TBCD: variants seen among roughly 807,000 people sequenced by gnomAD.
TBCD encodes the protein tubulin folding cofactor D.
TBCD carries 105 observed loss-of-function variants against 169.3 expected under a neutral mutation model. The observed-to-expected ratio is 0.62, with a 90% CI of 0.53 to 0.73. TBCD has a LOEUF of 0.73. TBCD is among the 30% of genes least tolerant of loss of function. The pLI is 0.00. For synonymous variants in TBCD, 700 were observed against 643.9 expected, an observed-to-expected ratio of 1.09 and a Z score of -1.32; for missense variants, 1,444 against 1,600.1, an observed-to-expected ratio of 0.90 and a Z score of 1.66.
chr17:82,775,838 G>A (rs1022739972), intron 6 of TBCD, among the ~76,000 whole-genome samples: 16 of 151,862 alleles, frequency 1.1e-4, no homozygotes, highest in African/African-American at 3.9e-4. Context: ...ACATGTATAC[G>A]TATGTAACTA....
chr17:82,826,938 GCTGA>G (rs891637880), intron 13 of TBCD, among the ~76,000 whole-genome samples: 12 of 152,062 alleles, frequency 7.9e-5, no homozygotes, highest in African/African-American at 2.4e-4. Context: ...ACCACACCTG[GCTGA>G]CTATTTTTAT....
At chr17:82,865,377 T>C in intron 13 of TBCD, 1 of 836,104 alleles carries the variant, frequency 1.2e-6, no homozygotes, top group Non-Finnish European at 1.4e-6. Flanking sequence ...TGAGGGTCCC[T>C]CCACATCCAC....
chr17:82,821,592 G>A (rs1266336666), intron 13 of TBCD, among the ~76,000 whole-genome samples: 1 of 152,122 alleles, frequency 6.6e-6, no homozygotes, highest in Non-Finnish European at 1.5e-5. Context: ...CAATCTTCAG[G>A]CTGGGGTCCT....
intron 2 of TBCD, among the ~76,000 whole-genome samples, chr17:82,759,435 G>A (rs1406624258): frequency 5.9e-5 from 9 of 152,064 alleles, no homozygotes. Flanking sequence ...AGCAGTGAAC[G>A]AGATCGTGCC....
chr17:82,944,720 C>T lies in TBCD; in HGVS notation c.*2257C>T, dbSNP rs775776503. On this transcript the variant is annotated 3_prime_UTR_variant, in exon 39 of 39. Transcript: ENST00000355528. ...GGATTTGTGTACCCACAAACACGTT[C>T]TAGGTGCTAACCAGAAACCCTCCAT... The T allele has an allele frequency of 6.6e-6, 1 of 152,208 alleles. No homozygotes were observed. The highest frequency in any genetic ancestry group is 1.5e-5 in the Non-Finnish European group (1 of 68,032). The allele number at this position is 152,208 out of a possible 1,614,324, so 9.4% of individuals were successfully genotyped here.
In TBCD at chr17:82,906,065, G is replaced by T; in HGVS notation, c.1922+12G>T. The T allele has an allele frequency of 6.3e-7, 1 of 1,583,104 alleles. No individual in the cohort carries two copies. Among genetic ancestry groups the T allele is most frequent in the South Asian group, 1.1e-5 (1 of 87,312 alleles). Reference sequence around the variant, plus strand: ...GCCCAAGAGAACAGGTAGGAAGAGTGGGTCTCGAGGAGACACAGGGCTCTG... The same window carrying T: ...GCCCAAGAGAACAGGTAGGAAGAGTTGGTCTCGAGGAGACACAGGGCTCTG... On this transcript the variant is annotated intron_variant, in intron 20 of 38. Coordinates refer to ENST00000355528, the MANE Select transcript of TBCD (RefSeq NM_005993.5).
At chr17:82,760,256 T>C (rs2047683955) in intron 2 of TBCD, among the ~76,000 whole-genome samples, 1 of 152,208 alleles carries the variant, frequency 6.6e-6, no homozygotes, top group East Asian at 1.9e-4. Context: ...AGCCCGTTCA[T>C]TAATGCGGAT....
chr17:82,846,311 G>GTGTCCCATGTGCCGTGTCCTCT (rs2055083489), intron 13 of TBCD, among the ~76,000 whole-genome samples: 3 of 135,220 alleles, frequency 2.2e-5, no homozygotes, highest in Admixed American at 7.5e-5. Context: ...TCCACGTGCT[G>GTGTCCCATGTGCCGTGTCCTCT]CGTCCAGCGT....
intron 13 of TBCD, chr17:82,838,758 G>T: frequency 1.0e-6 from 1 of 985,432 alleles, no homozygotes; most frequent in Non-Finnish European, 1.2e-6. Context: ...ATGTAATTTG[G>T]AAGAATGGAT....
chr17:82,861,983 C>G (rs186261639), intron 13 of TBCD, among the ~76,000 whole-genome samples: 3 of 150,946 alleles, frequency 2.0e-5, no homozygotes, highest in Non-Finnish European at 4.4e-5. Context: ...AGTGCAGTGG[C>G]GCGATCTCGG....
chr17:82,803,026 C>A (rs2050689320), intron 9 of TBCD, among the ~76,000 whole-genome samples: 1 of 152,236 alleles, frequency 6.6e-6, no homozygotes, highest in African/African-American at 2.4e-5. Flanking sequence ...CTCTACGTTT[C>A]CTGTATTTCT....
At position 82,791,258 on chromosome 17, in the gene TBCD, A is replaced by T. The variant is rs1037137995; in HGVS notation, c.772-6499A>T. ...AGGCACCCTCCACCACGCCTGGCTA[A>T]TTTTTTTGTATTTTAGTAGAGATGG... On this transcript the variant is annotated intron_variant, in intron 7 of 38. Coordinates refer to ENST00000355528, the MANE Select transcript of TBCD (RefSeq NM_005993.5). Among the ~76,000 whole-genome samples, 4 of 151,530 alleles carry T rather than the reference A, an allele frequency of 2.6e-5. No homozygotes were observed. In the East Asian group the frequency reaches 5.8e-4, roughly 22 times the overall value.
chr17:82,758,800 C>T (rs2047593960), intron 2 of TBCD, among the ~76,000 whole-genome samples: 2 of 151,588 alleles, frequency 1.3e-5, no homozygotes, highest in African/African-American at 4.8e-5. Flanking sequence ...GCTGGGATTA[C>T]AGGCGTGTGC....
intron 13 of TBCD, among the ~76,000 whole-genome samples, chr17:82,819,388 C>T (rs145053207): frequency 1.3e-5 from 2 of 152,218 alleles, no homozygotes; most frequent in East Asian, 1.9e-4. Context: ...TCCACACATA[C>T]AGTGCACACA....
rs78540491 is a variant in TBCD, at chr17:82,833,364, C to T, written c.1318+18430C>T. ...TGGCAGTTTCTGCCCACTTTAGCCACGTCGTTGGTGTATTCTAGTGTGCTT... is the reference window on the plus strand; with the variant it reads ...TGGCAGTTTCTGCCCACTTTAGCCATGTCGTTGGTGTATTCTAGTGTGCTT... On this transcript the variant is annotated intron_variant, in intron 13 of 38. Coordinates refer to ENST00000355528, the MANE Select transcript of TBCD (RefSeq NM_005993.5). This position sits in a 1 kb window ranked among gnomAD's most constrained non-coding sequence, Gnocchi z 4.7. 6.1e-3 allele frequency among the ~76,000 whole-genome samples: 927 copies of T among 152,260 alleles called. 3 individuals carry two copies. Among genetic ancestry groups the T allele is most frequent in the Non-Finnish European group, 0.011 (717 of 68,018 alleles).
Position 82,832,094 on chromosome 17 carries a change from C to T in TBCD, c.1318+17160C>T, listed in dbSNP as rs746747831. 3.1e-5 allele frequency: 50 copies of T among 1,614,078 alleles called. No individual in the cohort carries two copies. Among genetic ancestry groups the T allele is most frequent in the Middle Eastern group, 1.6e-4 (1 of 6,084 alleles). ...TTCTGTCCCAGGCACCTGTGGGTTC[C>T]CCGGGCTTGCAGCTCCAGGTTTTCC... On this transcript the variant is annotated intron_variant, in intron 13 of 38. Coordinates refer to ENST00000355528, the MANE Select transcript of TBCD (RefSeq NM_005993.5). The surrounding 1 kb of genome is among the most constrained non-coding windows in gnomAD (Gnocchi z 4.9).
intron 29 of TBCD, 100 bp downstream of exon 29, chr17:82,927,423 G>A: frequency 9.6e-6 from 14 of 1,452,938 alleles, no homozygotes; most frequent in Non-Finnish European, 1.1e-5. Context: ...AATCTTTGTA[G>A]ATTTGTGCCG....
Position 82,833,929 on chromosome 17 carries a change from A to C in TBCD, c.1318+18995A>C, listed in dbSNP as rs574229003. On this transcript the variant is annotated intron_variant, in intron 13 of 38. Transcript: ENST00000355528. The surrounding 1 kb of genome is among the most constrained non-coding windows in gnomAD (Gnocchi z 4.7). ...CCTTCAGAGGCTGTGCCGCACGCCC[A>C]AGGCTGAGAACAAAGGCTGTTTTTC... Among the ~76,000 whole-genome samples the C allele has an allele frequency of 5.3e-4, 80 of 151,130 alleles. No individual in the cohort carries two copies. Among genetic ancestry groups the C allele is most frequent in the African/African-American group, 1.8e-3 (75 of 41,294 alleles).
At chr17:82,937,594 C>T (rs1051955937) in intron 35 of TBCD, 28 of 603,690 alleles carry the variant, frequency 4.6e-5, no homozygotes, top group Admixed American at 2.4e-4. Flanking sequence ...GCTGCCCTCG[C>T]GCTCTGCCCT....
Sources: gnomAD v4.1 joint callset for allele counts (sites outside exome capture counted in the v4.1 genomes callset) on GRCh38, gnomAD v4.1.1 for gene constraint, Gnocchi (gnomAD v3.1) non-coding constraint, MANE v1.5 for transcripts, NCBI Gene and HGNC (gene_info 2026-07-23, HGNC 2026-07-21) for gene names.